TGFBR3: variants seen among roughly 807,000 people sequenced by gnomAD.
TGFBR3 encodes transforming growth factor beta receptor type 3.
Under a neutral mutation model 87.9 loss-of-function variants are expected in TGFBR3, and 46 were observed. The observed-to-expected ratio is 0.52, with a 90% CI of 0.41 to 0.67. The LOEUF is 0.67. TGFBR3 is among the 30% of genes least tolerant of loss of function. The pLI is 0.00. For synonymous variants in TGFBR3, 381 were observed against 391.6 expected (o/e 0.97, Z 0.32); for missense variants, 866 against 1,041.9 (o/e 0.83, Z 2.32).
intron 4 of TGFBR3, among the ~76,000 whole-genome samples, chr1:91,739,376 T>C (rs1446620198): frequency 6.6e-6 from 1 of 152,174 alleles, no homozygotes; most frequent in Non-Finnish European, 1.5e-5. Flanking sequence ...CTTATACCCA[T>C]AATTCTCCCA....
intron 1 of TGFBR3, among the ~76,000 whole-genome samples, chr1:91,903,027 TAAAAAAA>T (rs57978972): frequency 1.5e-5 from 2 of 134,128 alleles, no homozygotes; most frequent in Admixed American, 7.7e-5. Flanking sequence ...GCACCTCACT[TAAAAAAA>T]AAAAAAAAAA....
Position 91,822,207 on chromosome 1 carries a change from C to T in TGFBR3, c.62-24736G>A, listed in dbSNP as rs186082158. ...GAATCTGGAGAGATGATAGACAAAC[C>T]GCCACATTTATATTCTTCTACTGCC... On this transcript the variant is annotated intron_variant, in intron 2 of 16. Coordinates refer to ENST00000212355, the MANE Select transcript of TGFBR3 (RefSeq NM_003243.5). Among the ~76,000 whole-genome samples the T allele has an allele frequency of 3.0e-3, 454 of 149,464 alleles. 4 individuals are homozygous for T. The highest frequency in any genetic ancestry group is 0.011 in the African/African-American group (428 of 40,318).
chr1:91,776,602 G>C (rs941152346), intron 3 of TGFBR3, among the ~76,000 whole-genome samples: 1 of 152,168 alleles, frequency 6.6e-6, no homozygotes, highest in African/African-American at 2.4e-5. Context: ...GCCAGGTTTT[G>C]TAATTCTCTG....
In TGFBR3 at chr1:91,861,578, C is replaced by T; in HGVS notation, c.-47G>A. 1.4e-6 allele frequency: 2 copies of T among 1,454,380 alleles called. No individual in the cohort carries two copies. Among genetic ancestry groups the T allele is most frequent in the Non-Finnish European group, 1.9e-6 (2 of 1,034,780 alleles). 90.1% of individuals were successfully genotyped at this position (1,454,380 alleles called of 1,614,324 possible). ...TCTCGTCCAGTCACTTCAGCCTGCT[C>T]AGAGCACAGACAATCTTTGCAAATC... is the stretch of plus-strand genomic sequence containing the variant. On this transcript the variant is annotated 5_prime_UTR_variant, in exon 2 of 17. Transcript: ENST00000212355.
chr1:91,811,384 T>C (rs917616715), intron 2 of TGFBR3, among the ~76,000 whole-genome samples: 2 of 152,168 alleles, frequency 1.3e-5, no homozygotes, highest in African/African-American at 2.4e-5. Context: ...AAGGTCTCAA[T>C]TTAAGAGGCC....
intron 3 of TGFBR3, 67 bp downstream of exon 3, chr1:91,797,220 C>T (rs1675423404): frequency 6.4e-7 from 1 of 1,553,158 alleles, no homozygotes; most frequent in Non-Finnish European, 8.9e-7. Context: ...AAGAAAAGGA[C>T]TTCTGTCCAG....
intron 2 of TGFBR3, among the ~76,000 whole-genome samples, chr1:91,850,339 C>T (rs17575497): frequency 0.01 from 1,581 of 152,244 alleles, 19 homozygotes; most frequent in Non-Finnish European, 0.014. Context: ...CGGGCAGGAG[C>T]TATAGAGCAT....
chr1:91,708,515 ACT>A (rs1671875655), intron 14 of TGFBR3, 146 bp downstream of exon 14: 1 of 1,200,708 alleles, frequency 8.3e-7, no homozygotes, highest in Non-Finnish European at 1.2e-6. Context: ...TAAAGAAAAG[ACT>A]CTTCGGGCAA....
In TGFBR3 at chr1:91,787,943, G is replaced by GAAAAAAAAAAAAAA. The variant is rs111981257; in HGVS notation, c.246+9343_246+9344insTTTTTTTTTTTTTT. Reference sequence around the variant, plus strand: ...ACAGAGCCAGACCCTGTCTCACGGGGAAAAAAAAAAAAACCCCAAGAAGAA... The same window carrying GAAAAAAAAAAAAAA: ...ACAGAGCCAGACCCTGTCTCACGGGGAAAAAAAAAAAAAAAAAAAAAAAAAAACCCCAAGAAGAA... On this transcript the variant is annotated intron_variant, in intron 3 of 16. Transcript: ENST00000212355. 2.3e-4 allele frequency among the ~76,000 whole-genome samples: 31 copies of GAAAAAAAAAAAAAA among 133,296 alleles called. 1 individual carries two copies. The highest frequency in any genetic ancestry group is 4.3e-4 in the African/African-American group (14 of 32,638). The allele number at this position is 133,296 out of a possible 152,430, so 87.4% of individuals were successfully genotyped here. A position where few individuals can be genotyped will look rare whatever the true frequency, so the allele number is the denominator to read the frequency against.
intron 1 of TGFBR3, among the ~76,000 whole-genome samples, chr1:91,900,842 T>C (rs1032234794): frequency 1.3e-5 from 2 of 152,212 alleles, no homozygotes; most frequent in African/African-American, 4.8e-5. Flanking sequence ...TCCCCAGTGG[T>C]GCCTATCTTG....
At chr1:91,705,165 C>T (rs1671752397) in intron 14 of TGFBR3, among the ~76,000 whole-genome samples, 1 of 151,832 alleles carries the variant, frequency 6.6e-6, no homozygotes, top group Admixed American at 6.6e-5. Flanking sequence ...GAAGGACATT[C>T]GTGACCTGTT....
chr1:91,732,646 C>A (rs1289145534), intron 5 of TGFBR3, among the ~76,000 whole-genome samples: 1 of 152,148 alleles, frequency 6.6e-6, no homozygotes. Context: ...CACCAAGGAA[C>A]CTCCTTTCCC....
At chr1:91,746,242 G>T (rs1327726732) in intron 4 of TGFBR3, among the ~76,000 whole-genome samples, 1 of 152,168 alleles carries the variant, frequency 6.6e-6, no homozygotes, top group Non-Finnish European at 1.5e-5. Flanking sequence ...CAGTACATGT[G>T]AGTGTGTATA....
intron 5 of TGFBR3, among the ~76,000 whole-genome samples, chr1:91,730,908 ACCT>A (rs1428728759): frequency 1.3e-5 from 2 of 152,078 alleles, no homozygotes; most frequent in African/African-American, 4.8e-5. Context: ...GTTGCTCACC[ACCT>A]CCACCCGGGA....
Position 91,682,378 on chromosome 1 carries a change from T to C in TGFBR3, c.*1361A>G, listed in dbSNP as rs1442361731. On this transcript the variant is annotated 3_prime_UTR_variant, in exon 17 of 17. Transcript: ENST00000212355. ...AGCTATCTTCAGCAGTAAAATAATT[T>C]AGCATGATAATTCCCCCCTGGCATT... is the stretch of plus-strand genomic sequence containing the variant. 1 of 449,888 alleles carries C rather than the reference T, an allele frequency of 2.2e-6. No individual in the cohort carries two copies. Among genetic ancestry groups the C allele is most frequent in the Non-Finnish European group, 4.4e-6 (1 of 225,920 alleles). The allele number at this position is 449,888 out of a possible 1,614,324, so 27.9% of individuals were successfully genotyped here.
At chr1:91,842,919 G>A (rs1166722212) in intron 2 of TGFBR3, among the ~76,000 whole-genome samples, 2 of 152,172 alleles carry the variant, frequency 1.3e-5, no homozygotes, top group East Asian at 1.9e-4. Context: ...GGGGGGCAGG[G>A]AGAGCACTTC....
chr1:91,802,315 A>G (rs950855141), intron 2 of TGFBR3, among the ~76,000 whole-genome samples: 1 of 152,002 alleles, frequency 6.6e-6, no homozygotes, highest in African/African-American at 2.4e-5. Flanking sequence ...ATCTCTTTAC[A>G]GAAATGACTC....
At chr1:91,816,165 C>G (rs1374178847) in intron 2 of TGFBR3, among the ~76,000 whole-genome samples, 1 of 151,678 alleles carries the variant, frequency 6.6e-6, no homozygotes, top group African/African-American at 2.4e-5. Flanking sequence ...AGAAGGATGG[C>G]AAGAGGAAAA....
chr1:91,807,567 G>A (rs1235854148), intron 2 of TGFBR3, among the ~76,000 whole-genome samples: 1 of 152,192 alleles, frequency 6.6e-6, no homozygotes. Context: ...AAGGGCACAG[G>A]TTCTTTAGGA....
Sources: gnomAD v4.1 joint callset for allele counts (sites outside exome capture counted in the v4.1 genomes callset) on GRCh38, gnomAD v4.1.1 for gene constraint, MANE v1.5 for transcripts, NCBI Gene and HGNC (gene_info 2026-07-23, HGNC 2026-07-21) for gene names.